Variants in DLG2 observed in about 807,000 individuals in gnomAD.
DLG2 encodes disks large homolog 2.
Under a neutral mutation model 132.5 loss-of-function variants are expected in DLG2, and 45 were observed. The ratio of observed to expected loss-of-function variants is 0.34; its 90% CI spans 0.27 to 0.44. The LOEUF (loss-of-function observed/expected upper bound fraction) is 0.44, where lower values mean the gene tolerates loss of function less well. Ranked by LOEUF, DLG2 falls within the 20% of genes least tolerant of loss-of-function variation. DLG2 has a pLI of 1.00. For missense variants in DLG2, 1,045 were observed against 1,196.9 expected, an observed-to-expected ratio of 0.87 and a Z score of 1.87; for synonymous variants, 424 against 419.6, an observed-to-expected ratio of 1.01 and a Z score of -0.13.
At chr11:85,604,176 C>A (rs1384990789) in intron 2 of DLG2, among the ~76,000 whole-genome samples, 2 of 152,136 alleles carry the variant, frequency 1.3e-5, no homozygotes. Context: ...AAATTTGACA[C>A]ATAAAAAATG....
intron 4 of DLG2, among the ~76,000 whole-genome samples, chr11:85,190,552 G>GA (rs895796286): frequency 2.6e-5 from 4 of 151,798 alleles, no homozygotes; most frequent in African/African-American, 7.3e-5. Context: ...AAATTCATTT[G>GA]AAAAAAATCA....
intron 17 of DLG2, among the ~76,000 whole-genome samples, chr11:83,787,478 C>A (rs909155428): frequency 6.6e-6 from 1 of 151,794 alleles, no homozygotes; most frequent in Non-Finnish European, 1.5e-5. Context: ...CCCGCCACCA[C>A]GCCCGGCTAA....
chr11:83,922,101 G>A (rs2078053596), intron 15 of DLG2, among the ~76,000 whole-genome samples: 1 of 152,050 alleles, frequency 6.6e-6, no homozygotes, highest in Non-Finnish European at 1.5e-5. Flanking sequence ...AATGTTAACT[G>A]TGCTTTTAAA....
At chr11:83,715,692 G>A (rs1054118972) in intron 18 of DLG2, among the ~76,000 whole-genome samples, 2 of 152,124 alleles carry the variant, frequency 1.3e-5, no homozygotes, top group South Asian at 2.1e-4. Flanking sequence ...CGATTGTTCC[G>A]TGATCCTTCT....
intron 21 of DLG2, among the ~76,000 whole-genome samples, chr11:83,509,489 C>T (rs1020253084): frequency 1.3e-5 from 2 of 152,142 alleles, no homozygotes; most frequent in African/African-American, 4.8e-5. Context: ...GTGCCTACTT[C>T]AGAAGACAAA....
At chr11:83,575,337 C>G (rs1202338816) in intron 19 of DLG2, among the ~76,000 whole-genome samples, 1 of 152,124 alleles carries the variant, frequency 6.6e-6, no homozygotes, top group African/African-American at 2.4e-5. Flanking sequence ...TCGAGGCCAT[C>G]AAGCAGGGAC....
At chr11:84,982,291 C>A (rs2055870127) in intron 6 of DLG2, among the ~76,000 whole-genome samples, 1 of 152,074 alleles carries the variant, frequency 6.6e-6, no homozygotes, top group Non-Finnish European at 1.5e-5. Context: ...CTTAAAGGTA[C>A]ATCACATACA....
chr11:85,000,829 T>C (rs1202562866), intron 6 of DLG2, among the ~76,000 whole-genome samples: 1 of 152,122 alleles, frequency 6.6e-6, no homozygotes, highest in African/African-American at 2.4e-5. Flanking sequence ...AAGAATAAAT[T>C]ACACGTGCAA....
intron 6 of DLG2, among the ~76,000 whole-genome samples, chr11:84,872,332 G>A (rs1191439982): frequency 6.6e-6 from 1 of 152,152 alleles, no homozygotes; most frequent in Non-Finnish European, 1.5e-5. Flanking sequence ...AAACAGGCTT[G>A]CAAAGGGATT....
At chr11:84,905,595 T>C (rs1392424519) in intron 6 of DLG2, among the ~76,000 whole-genome samples, 1 of 152,132 alleles carries the variant, frequency 6.6e-6, no homozygotes, top group African/African-American at 2.4e-5. Context: ...TAACCACCAC[T>C]CACGTCAATA....
At chr11:84,224,133 T>C (rs2096956625) in intron 8 of DLG2, among the ~76,000 whole-genome samples, 1 of 152,222 alleles carries the variant, frequency 6.6e-6, no homozygotes, top group Non-Finnish European at 1.5e-5. Flanking sequence ...CATAACTGGC[T>C]ATAAGGTTAT....
At chr11:84,096,929 C>T (rs1344157183) in intron 10 of DLG2, among the ~76,000 whole-genome samples, 1 of 151,092 alleles carries the variant, frequency 6.6e-6, no homozygotes, top group Non-Finnish European at 1.5e-5. Context: ...TTCTCTTCAT[C>T]AAGCTGTAAA....
intron 26 of DLG2, among the ~76,000 whole-genome samples, chr11:83,463,526 C>A (rs1011288966): frequency 6.6e-6 from 1 of 152,304 alleles, no homozygotes; most frequent in South Asian, 2.1e-4. Flanking sequence ...CAGTGGTTCA[C>A]GTCTGTAATC....
chr11:84,013,414 A>C (rs1232103638), intron 11 of DLG2, among the ~76,000 whole-genome samples: 1 of 152,182 alleles, frequency 6.6e-6, no homozygotes, highest in Admixed American at 6.5e-5. Context: ...AAAAATAAAT[A>C]ACTGCAGCAT....
intron 3 of DLG2, among the ~76,000 whole-genome samples, chr11:85,443,144 G>C (rs989751335): frequency 1.3e-5 from 2 of 152,090 alleles, no homozygotes; most frequent in Non-Finnish European, 2.9e-5. Context: ...CATTTGACTA[G>C]AACATTTTTC....
chr11:83,680,352 AC>A (rs1240099836), intron 18 of DLG2, among the ~76,000 whole-genome samples: 1 of 152,106 alleles, frequency 6.6e-6, no homozygotes, highest in African/African-American at 2.4e-5. Context: ...CAAATAAACT[AC>A]CTTGTTCTTG....
intron 7 of DLG2, among the ~76,000 whole-genome samples, chr11:84,314,494 A>G (rs2098334501): frequency 6.6e-6 from 1 of 152,170 alleles, no homozygotes; most frequent in South Asian, 2.1e-4. Context: ...TAGATATTAG[A>G]TGTATGCTAT....
intron 15 of DLG2, among the ~76,000 whole-genome samples, chr11:83,918,435 A>G (rs2077280421): frequency 6.6e-6 from 1 of 152,176 alleles, no homozygotes; most frequent in East Asian, 1.9e-4. Context: ...TTCCTGTGGT[A>G]ATTCTTTAAC....
At position 83,457,024 on chromosome 11, in the gene DLG2, A is replaced by C. The variant is rs2089129316; in HGVS notation, c.*2794T>G. 1 of 152,682 alleles carries C rather than the reference A, an allele frequency of 6.5e-6. No homozygotes were observed. Among genetic ancestry groups the C allele is most frequent in the Admixed American group, 6.5e-5 (1 of 15,290 alleles). 9.5% of individuals were successfully genotyped at this position (152,682 alleles called of 1,614,324 possible). Reference sequence around the variant, plus strand: ...TGGAATTTTGATTTTGGTAAAGCTGAGACCCCCGTGGTGCTACACATTGTA... The same window carrying C: ...TGGAATTTTGATTTTGGTAAAGCTGCGACCCCCGTGGTGCTACACATTGTA... On this transcript the variant is annotated 3_prime_UTR_variant, in exon 28 of 28. Coordinates refer to ENST00000376104, the MANE Select transcript of DLG2 (RefSeq NM_001142699.3).
Sources: allele counts gnomAD v4.1 joint callset (sites outside exome capture counted in the v4.1 genomes callset), GRCh38; gene constraint gnomAD v4.1.1; transcripts MANE v1.5; gene names NCBI Gene and HGNC (gene_info 2026-07-23, HGNC 2026-07-21).